The following ITGA11 variants were observed in gnomAD, a reference collection of about 807,000 sequenced individuals.
ITGA11 encodes the protein integrin subunit alpha 11, also known as integrin alpha-11.
In ITGA11, 97 loss-of-function variants were observed where a neutral mutation model predicts 141.9. That is an observed-to-expected ratio of 0.68 (90% CI 0.58 to 0.81). ITGA11 has a LOEUF of 0.81. Among genes scored for constraint, ITGA11 ranks in the 30% least tolerant of loss-of-function variants. ITGA11 has a pLI of 0.00. For missense variants in ITGA11, 1,387 were observed against 1,559.2 expected, an observed-to-expected ratio of 0.89 and a Z score of 1.86; for synonymous variants, 658 against 624.6, an observed-to-expected ratio of 1.05 and a Z score of -0.80.
chr15:68,410,455 AGAG>A (rs1267971745), intron 1 of ITGA11, among the ~76,000 whole-genome samples: 3 of 152,164 alleles, frequency 2.0e-5, no homozygotes, highest in Admixed American at 6.5e-5. Context: ...ACAGAGAGGG[AGAG>A]GAGGAGGGAG....
At chr15:68,382,213 T>G (rs1895880300) in intron 2 of ITGA11, among the ~76,000 whole-genome samples, 4 of 152,214 alleles carry the variant, frequency 2.6e-5, no homozygotes. Flanking sequence ...AGTGTGTCAT[T>G]ACATTTTTGG....
At chr15:68,319,262 C>T (rs943952424) in intron 20 of ITGA11, among the ~76,000 whole-genome samples, 3 of 152,234 alleles carry the variant, frequency 2.0e-5, no homozygotes, top group East Asian at 1.9e-4. Flanking sequence ...TCAGTTTCCT[C>T]CTCTGTAAAA....
chr15:68,386,824 T>G (rs1895996107), intron 2 of ITGA11, among the ~76,000 whole-genome samples: 2 of 152,090 alleles, frequency 1.3e-5, no homozygotes, highest in South Asian at 4.1e-4. Flanking sequence ...GGAGCCTGGA[T>G]GGGGCTCTTT....
Position 68,303,237 on chromosome 15 carries a change from T to C in ITGA11, c.3496-107A>G. On this transcript the variant is annotated intron_variant, in intron 29 of 29. Transcript: ENST00000315757. This position sits in a 1 kb window ranked among gnomAD's most constrained non-coding sequence, Gnocchi z 5.3. Reference sequence around the variant, plus strand: ...TTGGGATTCCTCCCTCAGGGCTTCCTTGAGTACCCCCAGCTCATTCTGAGC... The same window carrying C: ...TTGGGATTCCTCCCTCAGGGCTTCCCTGAGTACCCCCAGCTCATTCTGAGC... 1 of 924,720 alleles carries C rather than the reference T, an allele frequency of 1.1e-6. No homozygotes were observed. Among genetic ancestry groups the C allele is most frequent in the Non-Finnish European group, 1.7e-6 (1 of 596,678 alleles). The allele number at this position is 924,720 out of a possible 1,614,324, so 57.3% of individuals were successfully genotyped here.
At chr15:68,330,588 G>A (rs977344696) in intron 15 of ITGA11, among the ~76,000 whole-genome samples, 3 of 151,704 alleles carry the variant, frequency 2.0e-5, no homozygotes, top group African/African-American at 7.3e-5. Flanking sequence ...CAAGAAGTCA[G>A]AGCGCTTTGG....
chr15:68,348,779 T>C lies in ITGA11; in HGVS notation c.1131+51A>G. The C allele has an allele frequency of 4.0e-6, 6 of 1,488,446 alleles. No individual in the cohort carries two copies. In the South Asian group the frequency reaches 4.8e-5, roughly 12 times the overall value. The allele number at this position is 1,488,446 out of a possible 1,614,324, so 92.2% of individuals were successfully genotyped here. On this transcript the variant is annotated intron_variant, in intron 10 of 29. Transcript: ENST00000315757. ...CAGAGAGCTAGAAAGGGGAAGAGCA[T>C]GCCCTCGAGAGACAGAGGCTGGGCT...
At chr15:68,312,521 A>G (rs1351452289) in intron 24 of ITGA11, among the ~76,000 whole-genome samples, 1 of 152,218 alleles carries the variant, frequency 6.6e-6, no homozygotes, top group Non-Finnish European at 1.5e-5. Context: ...ACTGTTTAAA[A>G]AAAATTTAAG....
chr15:68,402,786 C>T, intron 2 of ITGA11, 132 bp downstream of exon 2: 1 of 623,210 alleles, frequency 1.6e-6, no homozygotes, highest in Non-Finnish European at 2.9e-6. Flanking sequence ...CCTGCTGGGA[C>T]AGAGTCAAGT....
chr15:68,431,447 C>A (rs986955051), intron 1 of ITGA11, among the ~76,000 whole-genome samples: 1 of 152,248 alleles, frequency 6.6e-6, no homozygotes, highest in African/African-American at 2.4e-5. Flanking sequence ...AGCTAGCCCC[C>A]GCCTACCGGC....
chr15:68,424,129 C>A (rs1251814282), intron 1 of ITGA11, among the ~76,000 whole-genome samples: 2 of 152,188 alleles, frequency 1.3e-5, no homozygotes, highest in African/African-American at 4.8e-5. Flanking sequence ...GTAGCTTATG[C>A]CTTGTAGGGG....
In ITGA11 at chr15:68,331,938, G is replaced by A. The variant is rs761728448; in HGVS notation, c.1691C>T (p.Ala564Val). ...TCCTGCGTGGTTGTCCTCCAGGGGG[G>A]CTCCCACCACCACGTCATTGTAGGA... ...QDSYNDVVVGAPLEDNHAGAI... is the reference protein window; with the variant it reads ...QDSYNDVVVGVPLEDNHAGAI... The change falls in exon 14 of 30, where the codon GCC (alanine) becomes GTC (valine). Residue 564 changes from alanine (A) to valine (V), a missense_variant. Ala to Val is a moderately conservative substitution (Grantham distance 64). Transcript: ENST00000315757. The A allele has an allele frequency of 1.9e-6, 3 of 1,613,420 alleles. No homozygotes were observed. The highest frequency in any genetic ancestry group is 3.3e-5 in the Admixed American group (2 of 59,942).
At position 68,302,529 on chromosome 15, in the gene ITGA11, C is replaced by T. The variant is rs1293101075; in HGVS notation, c.*530G>A. 6.5e-6 allele frequency: 1 copy of T among 152,826 alleles called. No individual in the cohort carries two copies. The highest frequency in any genetic ancestry group is 1.5e-5 in the Non-Finnish European group (1 of 68,262). The allele number at this position is 152,826 out of a possible 1,614,324, so 9.5% of individuals were successfully genotyped here. ...GCTCTTGGGTTCATTCTTCGGGAGC[C>T]CCAGGGGCCTATCTATGGGGAAGGG... On this transcript the variant is annotated 3_prime_UTR_variant, in exon 30 of 30. Transcript: ENST00000315757.
intron 23 of ITGA11, among the ~76,000 whole-genome samples, chr15:68,313,480 T>C (rs1004457679): frequency 1.3e-5 from 2 of 152,170 alleles, no homozygotes; most frequent in African/African-American, 2.4e-5. Flanking sequence ...TGCATCCACT[T>C]GTTGCCTATG....
At chr15:68,361,899 G>T in intron 4 of ITGA11, 195 bp from the exon 5 acceptor site, 1 of 510,598 alleles carries the variant, frequency 2.0e-6, no homozygotes, top group Non-Finnish European at 3.5e-6. Flanking sequence ...TTGGTTTCAG[G>T]TCTAATGGAG....
chr15:68,352,340 C>T (rs72743249), intron 7 of ITGA11, among the ~76,000 whole-genome samples: 1 of 151,808 alleles, frequency 6.6e-6, no homozygotes, highest in African/African-American at 2.4e-5. Context: ...TTAGAGAGCT[C>T]TGCCACCACG....
At chr15:68,336,804 T>C (rs1003140173) in intron 11 of ITGA11, among the ~76,000 whole-genome samples, 2 of 152,204 alleles carry the variant, frequency 1.3e-5, no homozygotes, top group Admixed American at 1.3e-4. Flanking sequence ...TGCGTGTGCA[T>C]CTGCGTATCT....
rs7174755 is a variant in ITGA11, at chr15:68,304,789, T to G, written c.3382-904A>C. Among the ~76,000 whole-genome samples the G allele has an allele frequency of 3.3e-5, 5 of 152,112 alleles. No individual in the cohort carries two copies. Among genetic ancestry groups the G allele is most frequent in the South Asian group, 4.1e-4 (2 of 4,830 alleles). On this transcript the variant is annotated intron_variant, in intron 28 of 29. Transcript: ENST00000315757. This position sits in a 1 kb window ranked among gnomAD's most constrained non-coding sequence, Gnocchi z 6.1. ...TCCGCGCTGCTCAGGCCAGAAGCCA[T>G]GTATCCATCACTGACCCTAACTCTC...
intron 10 of ITGA11, among the ~76,000 whole-genome samples, chr15:68,340,147 T>G (rs1894513858): frequency 6.6e-6 from 1 of 152,032 alleles, no homozygotes; most frequent in South Asian, 2.1e-4. Context: ...CAGGCATTTG[T>G]TTGGTGCCAG....
chr15:68,422,349 G>C (rs1182057530), intron 1 of ITGA11, among the ~76,000 whole-genome samples: 2 of 152,088 alleles, frequency 1.3e-5, no homozygotes, highest in Admixed American at 6.5e-5. Context: ...CTTCAGGTTG[G>C]TGACACCGTC....
Sources: gnomAD v4.1 joint callset for allele counts (sites outside exome capture counted in the v4.1 genomes callset) on GRCh38, gnomAD v4.1.1 for gene constraint, Gnocchi (gnomAD v3.1) non-coding constraint, MANE v1.5 for transcripts, NCBI Gene and HGNC (gene_info 2026-07-23, HGNC 2026-07-21) for gene names.